The following RPRD2 variants were observed in gnomAD, a reference collection of about 807,000 sequenced individuals.
The protein encoded by RPRD2 is regulation of nuclear pre-mRNA domain-containing protein 2.
A neutral mutation model predicts 104.4 loss-of-function variants in RPRD2; 12 were observed. The ratio of observed to expected loss-of-function variants is 0.11; its 90% CI spans 0.07 to 0.19. RPRD2 has a LOEUF of 0.19. Among genes scored for constraint, RPRD2 ranks in the 10% least tolerant of loss-of-function variants. The probability of loss-of-function intolerance (pLI) is 1.00; values close to 1 mark genes in which losing one functional copy is unlikely to be tolerated. For missense variants in RPRD2, 1,543 were observed against 1,790.1 expected, an observed-to-expected ratio of 0.86 and a Z score of 2.49; for synonymous variants, 714 against 684.9, an observed-to-expected ratio of 1.04 and a Z score of -0.66.
chr1:150,390,085 A>G (rs1293728063), intron 1 of RPRD2, among the ~76,000 whole-genome samples: 1 of 152,236 alleles, frequency 6.6e-6, no homozygotes, highest in African/African-American at 2.4e-5. Flanking sequence ...AAATTCAACA[A>G]AATATAAGCT....
intron 9 of RPRD2, among the ~76,000 whole-genome samples, chr1:150,462,529 C>T (rs990491908): frequency 6.6e-6 from 1 of 151,252 alleles, no homozygotes. Flanking sequence ...GTATATAAAA[C>T]CTTTTTAATG....
chr1:150,374,970 A>G (rs1660592396), intron 1 of RPRD2, among the ~76,000 whole-genome samples: 1 of 146,948 alleles, frequency 6.8e-6, no homozygotes. Flanking sequence ...ATAATTGGTT[A>G]TTATCCACCC....
intron 2 of RPRD2, among the ~76,000 whole-genome samples, 181 bp downstream of exon 2, chr1:150,417,906 CTTTTT>C (rs1664472450): frequency 6.8e-6 from 1 of 146,710 alleles, no homozygotes; most frequent in Non-Finnish European, 1.5e-5. Context: ...CTTTTCTTTT[CTTTTT>C]CTCTCTCTCT....
At chr1:150,442,959 G>A (rs189380493) in intron 4 of RPRD2, among the ~76,000 whole-genome samples, 65 of 152,058 alleles carry the variant, frequency 4.3e-4, no homozygotes, top group Non-Finnish European at 8.5e-4. Flanking sequence ...GATGTATCTC[G>A]GTGTCTCCAA....
chr1:150,466,614 C>T (rs1421100558), intron 10 of RPRD2, among the ~76,000 whole-genome samples: 1 of 149,782 alleles, frequency 6.7e-6, no homozygotes, highest in African/African-American at 2.4e-5. Flanking sequence ...ATAGAGGCTT[C>T]ATTATTTATT....
intron 2 of RPRD2, among the ~76,000 whole-genome samples, chr1:150,418,458 A>C (rs1664528241): frequency 6.6e-6 from 1 of 152,002 alleles, no homozygotes; most frequent in South Asian, 2.1e-4. Flanking sequence ...TTTTCCCTCC[A>C]TGAAATCTGT....
intron 2 of RPRD2, among the ~76,000 whole-genome samples, chr1:150,436,081 G>T (rs895290152): frequency 1.3e-5 from 2 of 151,784 alleles, no homozygotes; most frequent in Non-Finnish European, 2.9e-5. Flanking sequence ...TTTACAGTGT[G>T]GTTTGCTGAA....
intron 7 of RPRD2, among the ~76,000 whole-genome samples, chr1:150,449,988 T>C (rs915172766): frequency 3.3e-5 from 5 of 152,168 alleles, no homozygotes; most frequent in Non-Finnish European, 7.4e-5. Flanking sequence ...CTTCTAGATA[T>C]TCTACTAACT....
chr1:150,465,938 A>G (rs1345850605), intron 10 of RPRD2, among the ~76,000 whole-genome samples: 2 of 144,280 alleles, frequency 1.4e-5, no homozygotes, highest in Non-Finnish European at 3.0e-5. Flanking sequence ...ACACACCTGT[A>G]GTGTGCTGAG....
rs367962034 is a variant in RPRD2 at position 150,471,099 on chromosome 1, C to T, written c.2151C>T (p.Ile717=). Residue 717 remains isoleucine, a synonymous_variant, in exon 11 of 11, where the codon ATC becomes ATT. Transcript: ENST00000369068. The surrounding 1 kb of genome is among the most constrained non-coding windows in gnomAD (Gnocchi z 5.3). ...DFQRGPTSTS[I]DNIDGTPVRD... ...AGCGTGGCCCTACTAGCACCTCAAT[C>T]GACAACATTGATGGAACCCCTGTAC... 1.7e-5 allele frequency: 28 copies of T among 1,613,888 alleles called. No homozygotes were observed. Among genetic ancestry groups the T allele is most frequent in the Admixed American group, 1.0e-4 (6 of 60,004 alleles).
intron 1 of RPRD2, among the ~76,000 whole-genome samples, chr1:150,383,405 C>G (rs1311789666): frequency 6.6e-6 from 1 of 150,430 alleles, no homozygotes; most frequent in Non-Finnish European, 1.5e-5. Context: ...ACCTCCACCT[C>G]TCAGGTTCAA....
At chr1:150,387,300 A>G (rs887203070) in intron 1 of RPRD2, among the ~76,000 whole-genome samples, 4 of 152,144 alleles carry the variant, frequency 2.6e-5, no homozygotes, top group Non-Finnish European at 4.4e-5. Context: ...GTGTTAAGTG[A>G]GAAGAGAATA....
At chr1:150,447,827 T>A (rs1553895827) in intron 7 of RPRD2, among the ~76,000 whole-genome samples, 3 of 152,172 alleles carry the variant, frequency 2.0e-5, no homozygotes, top group Non-Finnish European at 4.4e-5. Flanking sequence ...TTTTAATGAA[T>A]TTTGCTATTT....
intron 2 of RPRD2, among the ~76,000 whole-genome samples, chr1:150,435,996 G>C (rs1455206336): frequency 1.3e-5 from 2 of 152,122 alleles, no homozygotes; most frequent in Admixed American, 1.3e-4. Context: ...TCCTAGGGCT[G>C]TTAAAAATTA....
intron 10 of RPRD2, among the ~76,000 whole-genome samples, chr1:150,467,056 A>G (rs587774853): frequency 3.9e-5 from 6 of 152,326 alleles, no homozygotes; most frequent in Non-Finnish European, 8.8e-5. Context: ...GACAGCCCCA[A>G]CAATAAAGAA....
Position 150,373,533 on chromosome 1 carries a change from CTTTTTTTTTT to C in RPRD2, c.205+8626_205+8635del, listed in dbSNP as rs56743462. Among the ~76,000 whole-genome samples, 3 of 97,418 alleles carry C rather than the reference CTTTTTTTTTT, an allele frequency of 3.1e-5. No homozygotes were observed. In the East Asian group the frequency reaches 8.6e-4, roughly 28 times the overall value. The allele number at this position is 97,418 out of a possible 152,430, so 63.9% of individuals were successfully genotyped here. A position where few individuals can be genotyped will look rare whatever the true frequency, so the allele number is the denominator to read the frequency against. On this transcript the variant is annotated intron_variant, in intron 1 of 10. Coordinates refer to ENST00000369068, the MANE Select transcript of RPRD2 (RefSeq NM_015203.5). The stretch of plus-strand genomic sequence containing the variant: ...AGAGGAGGAGAATAATCAAGAATGA[CTTTTTTTTTT>C]TTTTTTTTTTTAGCTTGAGCAACTA...
chr1:150,394,386 T>C (rs1404028397), intron 1 of RPRD2, among the ~76,000 whole-genome samples: 3 of 152,002 alleles, frequency 2.0e-5, no homozygotes, highest in Admixed American at 6.6e-5. Flanking sequence ...GCTGCTATGA[T>C]TGTATGAGAG....
intron 2 of RPRD2, among the ~76,000 whole-genome samples, chr1:150,426,990 C>T (rs1012026358): frequency 6.6e-6 from 1 of 151,698 alleles, no homozygotes; most frequent in Non-Finnish European, 1.5e-5. Flanking sequence ...ACTAAAAATA[C>T]AAAAATTAGC....
rs1453131676 is a variant in RPRD2 at position 150,460,389 on chromosome 1, G to T, written c.1411+72G>T. ...TAAATTGAATCATTAATCTGTTTTT[G>T]GGGGGGTTGTTGTTGTTGTTGTTGT... On this transcript the variant is annotated intron_variant, in intron 9 of 10. Transcript: ENST00000369068. 7 of 1,392,858 alleles carry T rather than the reference G, an allele frequency of 5.0e-6. No individual in the cohort carries two copies. The African/African-American group carries it at 9.3e-5, about 19-fold the overall frequency. 86.3% of individuals were successfully genotyped at this position (1,392,858 alleles called of 1,614,324 possible).
Sources: gnomAD v4.1 joint callset for allele counts (sites outside exome capture counted in the v4.1 genomes callset) on GRCh38, gnomAD v4.1.1 for gene constraint, Gnocchi (gnomAD v3.1) non-coding constraint, MANE v1.5 for transcripts, NCBI Gene and HGNC (gene_info 2026-07-23, HGNC 2026-07-21) for gene names.